Variants in LHFPL6 observed in about 807,000 individuals in gnomAD.
LHFPL6 encodes the protein LHFPL tetraspan subfamily member 6 protein.
A neutral mutation model predicts 20.6 loss-of-function variants in LHFPL6; 9 were observed. The ratio of observed to expected loss-of-function variants is 0.44; its 90% CI spans 0.26 to 0.76. The LOEUF is 0.76. Ranked by LOEUF, LHFPL6 falls within the 30% of genes least tolerant of loss-of-function variation. The pLI is 0.20. For missense variants in LHFPL6, 218 were observed against 253.5 expected, an observed-to-expected ratio of 0.86 and a Z score of 0.95; for synonymous variants, 105 against 98.7, an observed-to-expected ratio of 1.06 and a Z score of -0.38.
At chr13:39,581,532 CAA>C (rs71080316) in intron 2 of LHFPL6, among the ~76,000 whole-genome samples, 10 of 106,380 alleles carry the variant, frequency 9.4e-5, no homozygotes, top group African/African-American at 1.8e-4. Context: ...ATGCATGAGA[CAA>C]AAAAAAAAAA....
chr13:39,390,188 G>A (rs1262821987), intron 2 of LHFPL6, among the ~76,000 whole-genome samples: 2 of 152,046 alleles, frequency 1.3e-5, no homozygotes, highest in African/African-American at 4.8e-5. Context: ...TACATTTGTT[G>A]AACTGGATAG....
intron 2 of LHFPL6, among the ~76,000 whole-genome samples, chr13:39,394,439 C>T (rs1376189108): frequency 6.6e-6 from 1 of 152,146 alleles, no homozygotes. Flanking sequence ...GTGGTTGAAT[C>T]CTCAAATGTA....
intron 2 of LHFPL6, among the ~76,000 whole-genome samples, chr13:39,542,096 T>TATAATA (rs5802996): frequency 0.11 from 15,022 of 136,996 alleles, 905 homozygotes; most frequent in African/African-American, 0.15. Context: ...ATCTCAAAAA[T>TATAATA]ATAATAATAA....
At chr13:39,374,641 T>C (rs1373058459) in intron 3 of LHFPL6, among the ~76,000 whole-genome samples, 1 of 152,186 alleles carries the variant, frequency 6.6e-6, no homozygotes, top group African/African-American at 2.4e-5. Flanking sequence ...GAAGATATTA[T>C]CTGACCCTTT....
chr13:39,433,026 T>C (rs1321692927), intron 2 of LHFPL6, among the ~76,000 whole-genome samples: 1 of 152,184 alleles, frequency 6.6e-6, no homozygotes, highest in Non-Finnish European at 1.5e-5. Flanking sequence ...TATGCAAAAA[T>C]CCATTCAAGC....
At chr13:39,529,241 G>A (rs1348510757) in intron 2 of LHFPL6, among the ~76,000 whole-genome samples, 1 of 152,008 alleles carries the variant, frequency 6.6e-6, no homozygotes, top group Non-Finnish European at 1.5e-5. Context: ...ACAGGCACCC[G>A]CCACCATGCC....
At chr13:39,523,536 C>A (rs9576832) in intron 2 of LHFPL6, among the ~76,000 whole-genome samples, 1 of 135,004 alleles carries the variant, frequency 7.4e-6, no homozygotes, top group Non-Finnish European at 1.6e-5. Flanking sequence ...AGCGAGACTC[C>A]GTCTCAAAAG....
intron 2 of LHFPL6, among the ~76,000 whole-genome samples, chr13:39,456,657 T>C (rs1423729942): frequency 1.3e-5 from 2 of 152,198 alleles, no homozygotes; most frequent in African/African-American, 2.4e-5. Context: ...ATCAGCTAGA[T>C]ATCTGCATGG....
intron 2 of LHFPL6, among the ~76,000 whole-genome samples, chr13:39,531,093 C>T (rs1200045041): frequency 6.6e-6 from 1 of 152,228 alleles, no homozygotes; most frequent in Non-Finnish European, 1.5e-5. Context: ...TGCAAGTTAA[C>T]TCATGCCAAG....
chr13:39,563,387 T>C (rs139998366), intron 2 of LHFPL6, among the ~76,000 whole-genome samples: 1 of 152,064 alleles, frequency 6.6e-6, no homozygotes, highest in East Asian at 1.9e-4. Flanking sequence ...AGAAACAAAA[T>C]AGAGAGATAC....
At chr13:39,451,398 T>C (rs896904939) in intron 2 of LHFPL6, among the ~76,000 whole-genome samples, 6 of 152,218 alleles carry the variant, frequency 3.9e-5, no homozygotes, top group African/African-American at 1.4e-4. Flanking sequence ...GCTGGGAATA[T>C]GCTTTGTGAT....
intron 2 of LHFPL6, among the ~76,000 whole-genome samples, chr13:39,523,192 T>C (rs1849191338): frequency 6.6e-6 from 1 of 152,226 alleles, no homozygotes; most frequent in Admixed American, 6.5e-5. Context: ...ATGTGGTCTC[T>C]GTTAACTCTT....
intron 2 of LHFPL6, among the ~76,000 whole-genome samples, chr13:39,534,387 G>C (rs569430080): frequency 1.7e-4 from 26 of 152,304 alleles, no homozygotes; most frequent in Middle Eastern, 6.8e-3. Flanking sequence ...AAATGCAGTG[G>C]TGTTAAGCAT....
intron 2 of LHFPL6, among the ~76,000 whole-genome samples, chr13:39,510,077 T>C (rs142066365): frequency 1.7e-4 from 26 of 152,302 alleles, no homozygotes; most frequent in African/African-American, 6.3e-4. Context: ...GAAGACTGAA[T>C]CCCACTCAAT....
intron 3 of LHFPL6, among the ~76,000 whole-genome samples, chr13:39,375,666 G>A (rs1166150378): frequency 3.5e-5 from 5 of 144,122 alleles, no homozygotes; most frequent in Non-Finnish European, 7.4e-5. Context: ...CTCCAGCCTA[G>A]GCGAGAGAGT....
Position 39,561,154 on chromosome 13 carries a change from A to G in LHFPL6, c.385+39678T>C, listed in dbSNP as rs557048640. Among the ~76,000 whole-genome samples, 81 of 151,988 alleles carry G rather than the reference A, an allele frequency of 5.3e-4. 1 individual carries two copies. Among genetic ancestry groups the G allele is most frequent in the African/African-American group, 2.0e-3 (81 of 41,458 alleles). ...TTCAGGGCCCAAGTCACTCACTTCT[A>G]GGAGGCTTTGCCTGCCTCCTCCCCA... On this transcript the variant is annotated intron_variant, in intron 2 of 3. Coordinates refer to ENST00000379589, the MANE Select transcript of LHFPL6 (RefSeq NM_005780.3).
At chr13:39,431,168 GA>G (rs1358925848) in intron 2 of LHFPL6, among the ~76,000 whole-genome samples, 2 of 150,080 alleles carry the variant, frequency 1.3e-5, no homozygotes, top group Non-Finnish European at 3.0e-5. Context: ...CCACCAGAAG[GA>G]AGAAACTCTG....
chr13:39,508,002 A>T (rs1869549159), intron 2 of LHFPL6, among the ~76,000 whole-genome samples: 1 of 126,158 alleles, frequency 7.9e-6, no homozygotes. Context: ...TTTCTTTTTA[A>T]TAGTGTTATT....
chr13:39,564,424 A>G (rs956796419), intron 2 of LHFPL6, among the ~76,000 whole-genome samples: 4 of 152,210 alleles, frequency 2.6e-5, no homozygotes. Context: ...ACTGGGCCAG[A>G]GCAACAAATA....
Sources: gnomAD v4.1 joint callset for allele counts (sites outside exome capture counted in the v4.1 genomes callset) on GRCh38, gnomAD v4.1.1 for gene constraint, MANE v1.5 for transcripts, NCBI Gene and HGNC (gene_info 2026-07-23, HGNC 2026-07-21) for gene names.